ZFR: variants seen among roughly 807,000 people sequenced by gnomAD.
ZFR encodes the protein zinc finger RNA-binding protein.
Under a neutral mutation model 130.7 loss-of-function variants are expected in ZFR, and 19 were observed. The ratio of observed to expected loss-of-function variants is 0.15; its 90% CI spans 0.10 to 0.21. The LOEUF (loss-of-function observed/expected upper bound fraction) is 0.21, where lower values mean the gene tolerates loss of function less well. ZFR is among the 10% of genes least tolerant of loss of function. The pLI, the probability that ZFR is intolerant of heterozygous loss-of-function variation, is 1.00. For synonymous variants in ZFR, 466 were observed against 456.9 expected, an observed-to-expected ratio of 1.02 and a Z score of -0.25; for missense variants, 872 against 1,321.5, an observed-to-expected ratio of 0.66 and a Z score of 5.27.
At chr5:32,440,980 T>C (rs1754458752) in intron 2 of ZFR, among the ~76,000 whole-genome samples, 1 of 152,182 alleles carries the variant, frequency 6.6e-6, no homozygotes, top group Non-Finnish European at 1.5e-5. Flanking sequence ...TTACTTTTAT[T>C]GTATTTTATT....
At chr5:32,385,708 C>T in intron 14 of ZFR, 59 bp from the exon 15 acceptor site, 3 of 1,583,592 alleles carry the variant, frequency 1.9e-6, no homozygotes, top group Admixed American at 1.7e-5. Context: ...AACAAAAGCA[C>T]TTTCATTATG....
intron 1 of ZFR, 31 bp downstream of exon 1, chr5:32,444,591 G>A (rs1754564320): frequency 1.4e-6 from 2 of 1,475,520 alleles, no homozygotes; most frequent in Non-Finnish European, 1.8e-6. Flanking sequence ...AGGGGGCCGG[G>A]CAGAGGCCTC....
chr5:32,402,966 A>T, intron 8 of ZFR, 140 bp downstream of exon 8: 2 of 753,538 alleles, frequency 2.7e-6, no homozygotes, highest in Non-Finnish European at 4.3e-6. Context: ...CACACACACT[A>T]GGCAGATATG....
At chr5:32,430,336 G>T (rs1754176606) in intron 2 of ZFR, among the ~76,000 whole-genome samples, 1 of 152,016 alleles carries the variant, frequency 6.6e-6, no homozygotes, top group African/African-American at 2.4e-5. Context: ...ACTCAGAAAG[G>T]TTATTGCATA....
chr5:32,410,750 T>C (rs1267915526), intron 5 of ZFR, among the ~76,000 whole-genome samples: 1 of 152,224 alleles, frequency 6.6e-6, no homozygotes, highest in Non-Finnish European at 1.5e-5. Context: ...GTAGCAATAC[T>C]CTAGAACTCA....
At chr5:32,438,024 A>G (rs1754378821) in intron 2 of ZFR, among the ~76,000 whole-genome samples, 1 of 152,098 alleles carries the variant, frequency 6.6e-6, no homozygotes, top group South Asian at 2.1e-4. Context: ...TATAGGAGAT[A>G]ATAATTTGAT....
intron 2 of ZFR, among the ~76,000 whole-genome samples, chr5:32,427,510 G>C (rs1271647783): frequency 2.6e-5 from 4 of 151,140 alleles, no homozygotes; most frequent in Admixed American, 1.3e-4. Context: ...TAAATGGAAA[G>C]ACATCCCATG....
At chr5:32,441,545 C>G (rs148424081) in intron 2 of ZFR, among the ~76,000 whole-genome samples, 23 of 150,906 alleles carry the variant, frequency 1.5e-4, no homozygotes, top group Non-Finnish European at 2.9e-4. Flanking sequence ...CATATGTTTT[C>G]AGGCGTGAAC....
Position 32,389,822 on chromosome 5 carries a change from AT to A in ZFR, c.2142+452del, listed in dbSNP as rs1581691778. Among the ~76,000 whole-genome samples, 3 of 152,338 alleles carry A rather than the reference AT, an allele frequency of 2.0e-5. No individual in the cohort carries two copies. In the East Asian group the frequency reaches 5.8e-4, roughly 29 times the overall value. The stretch of plus-strand genomic sequence containing the variant: ...GACACAGGAAACATATTCCCTTCCT[AT>A]AAAAAATGGAGGAAAGATTCTAAAT... On this transcript the variant is annotated intron_variant, in intron 12 of 19. Coordinates refer to ENST00000265069, the MANE Select transcript of ZFR (RefSeq NM_016107.5).
At chr5:32,364,351 CTG>C in intron 17 of ZFR, 76 bp from the exon 18 acceptor site, 2 of 1,228,826 alleles carry the variant, frequency 1.6e-6, no homozygotes. Context: ...ATTTTAAAGA[CTG>C]AAAAAATTTT....
chr5:32,404,027 G>GT lies in ZFR; in HGVS notation c.1102dup (p.Thr368AsnfsTer18). ...ACGAGTAGAACTGTTGCTGCTGCTG[G>GT]TATTTTGTGAGGCTTTCAATGCAGC... On this transcript the variant is annotated frameshift_variant, in exon 7 of 20. Coordinates refer to ENST00000265069, the MANE Select transcript of ZFR (RefSeq NM_016107.5). LOFTEE classifies it high-confidence loss of function. 6.2e-7 allele frequency: 1 copy of GT among 1,613,944 alleles called. No individual in the cohort carries two copies. Among genetic ancestry groups the GT allele is most frequent in the Non-Finnish European group, 8.5e-7 (1 of 1,179,910 alleles).
chr5:32,420,856 C>A (rs917964648), intron 2 of ZFR, among the ~76,000 whole-genome samples: 3 of 152,108 alleles, frequency 2.0e-5, no homozygotes, highest in Non-Finnish European at 4.4e-5. Flanking sequence ...ACAAAACCTA[C>A]AATGGAATAT....
At chr5:32,420,218 G>C (rs1259361417) in intron 2 of ZFR, 115 bp from the exon 3 acceptor site, 1 of 1,224,750 alleles carries the variant, frequency 8.2e-7, no homozygotes, top group Non-Finnish European at 1.1e-6. Context: ...GTAATTTAAT[G>C]ACGGACCACA....
chr5:32,426,645 T>C (rs1754078547), intron 2 of ZFR, among the ~76,000 whole-genome samples: 1 of 152,180 alleles, frequency 6.6e-6, no homozygotes, highest in African/African-American at 2.4e-5. Context: ...CTCACACCTG[T>C]AATCACAGCA....
chr5:32,434,386 C>T (rs942878818), intron 2 of ZFR, among the ~76,000 whole-genome samples: 10 of 152,204 alleles, frequency 6.6e-5, no homozygotes, highest in Admixed American at 3.3e-4. Flanking sequence ...AATTGGGAAA[C>T]ATTTTCCTGT....
intron 2 of ZFR, among the ~76,000 whole-genome samples, chr5:32,424,900 G>A (rs1044821910): frequency 7.9e-5 from 12 of 152,164 alleles, no homozygotes; most frequent in Non-Finnish European, 1.2e-4. Flanking sequence ...TAAGTTTGGG[G>A]AGTGAAGTAG....
intron 11 of ZFR, among the ~76,000 whole-genome samples, chr5:32,392,935 C>T (rs1753215307): frequency 6.6e-6 from 1 of 152,158 alleles, no homozygotes; most frequent in Admixed American, 6.5e-5. Context: ...GTGGAGAGTG[C>T]AGTGAGCCAA....
chr5:32,388,701 T>TA, intron 12 of ZFR, 27 bp from the exon 13 acceptor site: 6 of 1,555,420 alleles, frequency 3.9e-6, no homozygotes, highest in South Asian at 2.4e-5. Context: ...TTGCTCAATT[T>TA]AAAAAAAAGT....
intron 2 of ZFR, among the ~76,000 whole-genome samples, chr5:32,423,077 G>A (rs559132020): frequency 1.3e-5 from 2 of 151,898 alleles, no homozygotes; most frequent in South Asian, 4.2e-4. Context: ...GCTGGGCACG[G>A]AATACCTGTA....
Sources: gnomAD v4.1 joint callset for allele counts (sites outside exome capture counted in the v4.1 genomes callset) on GRCh38, gnomAD v4.1.1 for gene constraint, MANE v1.5 for transcripts, NCBI Gene and HGNC (gene_info 2026-07-23, HGNC 2026-07-21) for gene names.